Variants in RBP7 observed in about 807,000 individuals in gnomAD.
RBP7 encodes the protein retinoid-binding protein 7.
Under a neutral mutation model 16.7 loss-of-function variants are expected in RBP7, and 13 were observed. The ratio of observed to expected loss-of-function variants is 0.78; its 90% CI spans 0.51 to 1.24. The LOEUF is 1.24. RBP7 is among the 50% of genes most tolerant of loss of function. The pLI is 0.00. For synonymous variants in RBP7, 54 were observed against 56.2 expected (o/e 0.96, Z 0.17); for missense variants, 145 against 159.5 (o/e 0.91, Z 0.49).
At chr1:10,010,836 G>A (rs1243110676) in intron 3 of RBP7, among the ~76,000 whole-genome samples, 4 of 151,932 alleles carry the variant, frequency 2.6e-5, no homozygotes, top group East Asian at 3.9e-4. Context: ...CGCCCACCTC[G>A]GCCTCCCAAA....
intron 1 of RBP7, among the ~76,000 whole-genome samples, chr1:10,003,319 A>C (rs1642330547): frequency 6.6e-6 from 1 of 152,146 alleles, no homozygotes; most frequent in South Asian, 2.1e-4. Flanking sequence ...TCAGCTACTC[A>C]GGAGACTGAG....
intron 1 of RBP7, among the ~76,000 whole-genome samples, chr1:10,001,886 T>C (rs1287369530): frequency 1.3e-5 from 2 of 152,040 alleles, no homozygotes; most frequent in African/African-American, 2.4e-5. Context: ...TGGAGTGCAG[T>C]GGCACGGATC....
chr1:10,004,537 G>A (rs1298887574), intron 1 of RBP7, among the ~76,000 whole-genome samples: 6 of 147,580 alleles, frequency 4.1e-5, no homozygotes, highest in African/African-American at 1.0e-4. Flanking sequence ...CACCATGCCC[G>A]GCTAATTTTG....
intron 1 of RBP7, among the ~76,000 whole-genome samples, chr1:9,999,264 T>A (rs1246378623): frequency 6.6e-6 from 1 of 152,094 alleles, no homozygotes; most frequent in Non-Finnish European, 1.5e-5. Flanking sequence ...TTACCCACTC[T>A]TGCCAGGCTC....
chr1:10,007,778 G>A (rs1018504886), intron 2 of RBP7, 30 bp downstream of exon 2: 3 of 1,601,628 alleles, frequency 1.9e-6, no homozygotes, highest in Non-Finnish European at 1.7e-6. Context: ...CAGGTGCGGT[G>A]GATTACGCTT....
At chr1:10,007,044 TCAAG>T (rs1287596097) in intron 1 of RBP7, 1 of 377,446 alleles carries the variant, frequency 2.6e-6, no homozygotes, top group Non-Finnish European at 5.2e-6. Flanking sequence ...CCTCCTGGGT[TCAAG>T]CAATTCTCCT....
chr1:10,005,059 G>A (rs1472297044), intron 1 of RBP7, among the ~76,000 whole-genome samples: 3 of 152,156 alleles, frequency 2.0e-5, no homozygotes, highest in African/African-American at 7.2e-5. Flanking sequence ...TTTAAATATT[G>A]TTGAAAACCA....
chr1:10,005,016 T>C lies in RBP7; in HGVS notation c.74-2554T>C, dbSNP rs1275275355. Among the ~76,000 whole-genome samples, 6 of 152,104 alleles carry C rather than the reference T, an allele frequency of 3.9e-5. No individual in the cohort carries two copies. The East Asian group carries it at 1.2e-3, about 29-fold the overall frequency. On this transcript the variant is annotated intron_variant, in intron 1 of 3. Coordinates refer to ENST00000294435, the MANE Select transcript of RBP7 (RefSeq NM_052960.3). ...TCAAAAAAATAATAATAATAGGAAG[T>C]GATTTTAAGGTTTTGGTCTCAATAC...
At chr1:10,003,225 G>A (rs564679821) in intron 1 of RBP7, among the ~76,000 whole-genome samples, 2 of 152,174 alleles carry the variant, frequency 1.3e-5, no homozygotes, top group Admixed American at 6.5e-5. Context: ...TCAGGAGTTC[G>A]AGACCAGCCT....
intron 3 of RBP7, among the ~76,000 whole-genome samples, chr1:10,008,874 A>G (rs1238422034): frequency 6.6e-6 from 1 of 152,190 alleles, no homozygotes; most frequent in Non-Finnish European, 1.5e-5. Flanking sequence ...CTCATGGAAC[A>G]ATTCTTACCT....
intron 1 of RBP7, among the ~76,000 whole-genome samples, chr1:10,005,274 C>G (rs992510698): frequency 6.6e-6 from 1 of 152,118 alleles, no homozygotes; most frequent in Non-Finnish European, 1.5e-5. Flanking sequence ...TGCAGTGGCT[C>G]GACCTCAGCT....
chr1:10,001,640 G>A (rs774640508), intron 1 of RBP7, among the ~76,000 whole-genome samples: 5 of 152,046 alleles, frequency 3.3e-5, no homozygotes, highest in Non-Finnish European at 7.4e-5. Context: ...CAAGGACACT[G>A]AAGGTGCGTG....
In RBP7 at chr1:10,007,444, C is replaced by G. The variant is rs189951299; in HGVS notation, c.74-126C>G. The G allele has an allele frequency of 8.1e-6, 6 of 741,806 alleles. No homozygotes were observed. The Admixed American group carries it at 1.8e-4, about 22-fold the overall frequency. 46.0% of individuals were successfully genotyped at this position (741,806 alleles called of 1,614,324 possible). A position where few individuals can be genotyped will look rare whatever the true frequency, so the allele number is the denominator to read the frequency against. On this transcript the variant is annotated intron_variant, in intron 1 of 3. Coordinates refer to ENST00000294435, the MANE Select transcript of RBP7 (RefSeq NM_052960.3). ...TTCCTTGTAGATCTGATTTTGGCAGCAAACAACATAGAAGTCGTACAGGAA... is the reference window on the plus strand; with the variant it reads ...TTCCTTGTAGATCTGATTTTGGCAGGAAACAACATAGAAGTCGTACAGGAA...
chr1:10,015,182 T>C (rs1013287508), intron 3 of RBP7, among the ~76,000 whole-genome samples: 2 of 151,816 alleles, frequency 1.3e-5, no homozygotes, highest in Non-Finnish European at 2.9e-5. Flanking sequence ...TAGCTCATGC[T>C]TGTAATCCCA....
Position 10,006,751 on chromosome 1 carries a change from G to GTATATA in RBP7, c.74-810_74-805dup, listed in dbSNP as rs763226271. 3.5e-4 allele frequency among the ~76,000 whole-genome samples: 48 copies of GTATATA among 138,506 alleles called. 1 individual carries two copies. Among genetic ancestry groups the GTATATA allele is most frequent in the African/African-American group, 1.3e-3 (47 of 34,882 alleles). 90.9% of individuals were successfully genotyped at this position (138,506 alleles called of 152,430 possible). On this transcript the variant is annotated intron_variant, in intron 1 of 3. Coordinates refer to ENST00000294435, the MANE Select transcript of RBP7 (RefSeq NM_052960.3). Reference sequence around the variant, plus strand: ...CGTGTGTGTGTGTGTGTGTGTGTGTGTATATATATATATAGAGAGAGAGAG... The same window carrying GTATATA: ...CGTGTGTGTGTGTGTGTGTGTGTGTGTATATATATATATATATATAGAGAGAGAGAG...
intron 1 of RBP7, among the ~76,000 whole-genome samples, chr1:10,002,546 C>T (rs142700272): frequency 0.018 from 2,670 of 152,070 alleles, 33 homozygotes; most frequent in Non-Finnish European, 0.027. Flanking sequence ...GTTGCCCAGG[C>T]TGGAGTGTAG....
chr1:9,998,007 C>A (rs1190350197), intron 1 of RBP7, among the ~76,000 whole-genome samples: 1 of 152,186 alleles, frequency 6.6e-6, no homozygotes, highest in Non-Finnish European at 1.5e-5. Flanking sequence ...CCCGGGGGCC[C>A]CGCGCTGTGC....
intron 1 of RBP7, among the ~76,000 whole-genome samples, chr1:9,998,005 C>T (rs1419712476): frequency 1.3e-5 from 2 of 152,184 alleles, no homozygotes; most frequent in South Asian, 2.1e-4. Flanking sequence ...CTCCCGGGGG[C>T]CCCGCGCTGT....
At chr1:10,007,224 G>T in intron 1 of RBP7, 1 of 290,734 alleles carries the variant, frequency 3.4e-6, no homozygotes, top group East Asian at 1.2e-4. Flanking sequence ...TGGGATTACA[G>T]GTGTGAGCCA....
Sources: gnomAD v4.1 joint callset for allele counts (sites outside exome capture counted in the v4.1 genomes callset) on GRCh38, gnomAD v4.1.1 for gene constraint, MANE v1.5 for transcripts, NCBI Gene and HGNC (gene_info 2026-07-23, HGNC 2026-07-21) for gene names.